The following CRHR1 variants were observed in gnomAD, a reference collection of about 807,000 sequenced individuals.
CRHR1 encodes corticotropin releasing hormone receptor 1, also known as corticotropin-releasing hormone receptor 1.
CRHR1 carries 28 observed loss-of-function variants against 56.0 expected under a neutral mutation model. That is an observed-to-expected ratio of 0.50 (90% CI 0.37 to 0.69). The LOEUF is 0.69. Among genes scored for constraint, CRHR1 ranks in the 30% least tolerant of loss-of-function variants. CRHR1 has a pLI of 0.00. For synonymous variants in CRHR1, 195 were observed against 216.5 expected (o/e 0.90, Z 0.87); for missense variants, 376 against 548.0 (o/e 0.69, Z 3.13).
chr17:45,798,946 C>A (rs2061570833), intron 1 of CRHR1, among the ~76,000 whole-genome samples: 1 of 152,210 alleles, frequency 6.6e-6, no homozygotes, highest in Admixed American at 6.5e-5. Context: ...AGTGCTCACC[C>A]ACTTTGAGGG....
At chr17:45,831,222 C>A (rs893836660) in intron 8 of CRHR1, among the ~76,000 whole-genome samples, 1 of 128,092 alleles carries the variant, frequency 7.8e-6, no homozygotes, top group Non-Finnish European at 1.9e-5. Context: ...AGCTGTGTGA[C>A]CTTGGACAGA....
chr17:45,829,797 G>T, intron 5 of CRHR1: 2 of 909,972 alleles, frequency 2.2e-6, no homozygotes, highest in South Asian at 3.0e-5. Flanking sequence ...GGAGTAGAAG[G>T]CACCCCCAGG....
At chr17:45,788,153 G>T (rs543051944) in intron 1 of CRHR1, among the ~76,000 whole-genome samples, 6 of 152,236 alleles carry the variant, frequency 3.9e-5, no homozygotes, top group African/African-American at 1.4e-4. Context: ...CCAAGTGCCC[G>T]TGTGGCCTAG....
At position 45,834,448 on chromosome 17, in the gene CRHR1, G is replaced by A. The variant is rs139601205; in HGVS notation, c.1108-176G>A. 7.0e-3 allele frequency among the ~76,000 whole-genome samples: 1,064 copies of A among 152,298 alleles called. 12 individuals are homozygous for A. Among genetic ancestry groups the A allele is most frequent in the African/African-American group, 0.024 (992 of 41,562 alleles). On this transcript the variant is annotated intron_variant, in intron 12 of 12. Coordinates refer to ENST00000314537, the MANE Select transcript of CRHR1 (RefSeq NM_004382.5). ...CCAGGACATTTGAGAAACCTGTTCC[G>A]ACAAATATGCAAAGCAGTCGTGTTA...
intron 2 of CRHR1, among the ~76,000 whole-genome samples, chr17:45,814,493 C>T (rs2061887515): frequency 6.6e-6 from 1 of 152,234 alleles, no homozygotes; most frequent in African/African-American, 2.4e-5. Context: ...TTCCCTGGGC[C>T]TCAATTTCTT....
At position 45,829,067 on chromosome 17, in the gene CRHR1, C is replaced by T. The variant is rs548168688; in HGVS notation, c.328-148C>T. ...CAAACTGGACGGCGTTGCTCTGCAGCGAGGCCTGACCCTCAGCAGATGCTC... is the reference window on the plus strand; with the variant it reads ...CAAACTGGACGGCGTTGCTCTGCAGTGAGGCCTGACCCTCAGCAGATGCTC... On this transcript the variant is annotated intron_variant, in intron 4 of 12. Coordinates refer to ENST00000314537, the MANE Select transcript of CRHR1 (RefSeq NM_004382.5). The T allele has an allele frequency of 4.5e-4, 289 of 644,460 alleles. 2 individuals carry two copies. The East Asian group carries it at 7.7e-3, about 17-fold the overall frequency. 39.9% of individuals were successfully genotyped at this position (644,460 alleles called of 1,614,324 possible).
Position 45,829,270 on chromosome 17 carries a change from G to A in CRHR1, c.383G>A (p.Cys128Tyr). The A allele has an allele frequency of 6.2e-7, 1 of 1,614,126 alleles. No individual in the cohort carries two copies. The highest frequency in any genetic ancestry group is 8.5e-7 in the Non-Finnish European group (1 of 1,180,032). The change falls in exon 5 of 13, where the codon TGT becomes TAT. Residue 128 changes from cysteine to tyrosine, a missense_variant. This residue lies in a region of CRHR1 where 369 missense variants were observed against 519.5 expected (regional missense o/e 0.71). Transcript: ENST00000314537. The stretch of plus-strand genomic sequence containing the variant: ...GTCATCATCAACTACCTGGGCCACT[G>A]TATCTCCCTGGTGGCCCTCCTGGTG... ...VAVIINYLGH[C>Y]ISLVALLVAF...
intron 3 of CRHR1, among the ~76,000 whole-genome samples, chr17:45,820,868 A>T (rs1014273879): frequency 6.6e-6 from 1 of 152,188 alleles, no homozygotes; most frequent in Admixed American, 6.5e-5. Flanking sequence ...CTCTACCACA[A>T]GAAGCCCTGT....
intron 2 of CRHR1, among the ~76,000 whole-genome samples, chr17:45,814,318 A>G (rs1339213715): frequency 1.3e-5 from 2 of 152,178 alleles, no homozygotes; most frequent in African/African-American, 2.4e-5. Flanking sequence ...AGCCCTCAAC[A>G]AACGCTGCTC....
intron 1 of CRHR1, among the ~76,000 whole-genome samples, chr17:45,795,602 T>A (rs2061503417): frequency 6.6e-6 from 1 of 152,282 alleles, no homozygotes; most frequent in South Asian, 2.1e-4. Context: ...CAGGTGAGAA[T>A]CTCTGAGCTG....
intron 4 of CRHR1, chr17:45,827,244 C>T (rs62057154): frequency 0.14 from 21,899 of 152,320 alleles, 2,144 homozygotes; most frequent in Non-Finnish European, 0.22. Flanking sequence ...CCCAAGGGCC[C>T]GGTACGGCCT....
intron 10 of CRHR1, 21 bp from the exon 11 acceptor site, chr17:45,833,693 T>TGGGGGCG: frequency 4.5e-6 from 7 of 1,571,616 alleles, no homozygotes; most frequent in Non-Finnish European, 6.1e-6. Context: ...ACTCCGAGCC[T>TGGGGGCG]CCCCACCCGC....
rs1200810740 is a variant in CRHR1, at chr17:45,834,334, C to T, written c.1107+286C>T. On this transcript the variant is annotated intron_variant, in intron 12 of 12. Coordinates refer to ENST00000314537, the MANE Select transcript of CRHR1 (RefSeq NM_004382.5). The stretch of plus-strand genomic sequence containing the variant: ...AAACCAGGAAGGGCTGAGCCCTGGG[C>T]AGGGGATACATGTGGGTTGAGGGCA... 2.0e-5 allele frequency among the ~76,000 whole-genome samples: 3 copies of T among 152,214 alleles called. No individual in the cohort carries two copies. The highest frequency in any genetic ancestry group is 4.4e-5 in the Non-Finnish European group (3 of 68,026).
intron 1 of CRHR1, among the ~76,000 whole-genome samples, chr17:45,799,051 G>GA (rs1308772980): frequency 1.3e-5 from 2 of 152,218 alleles, no homozygotes; most frequent in Admixed American, 1.3e-4. Flanking sequence ...GGGATGGGGA[G>GA]AAGCCTGGGC....
chr17:45,820,858 C>T (rs1457839691), intron 3 of CRHR1, among the ~76,000 whole-genome samples: 1 of 152,234 alleles, frequency 6.6e-6, no homozygotes, highest in African/African-American at 2.4e-5. Context: ...TGTGAGATGG[C>T]TCTACCACAA....
intron 9 of CRHR1, 57 bp from the exon 10 acceptor site, chr17:45,833,395 A>C: frequency 8.9e-6 from 14 of 1,577,832 alleles, no homozygotes; most frequent in Non-Finnish European, 1.2e-5. Flanking sequence ...CAGAGCTGAG[A>C]AGCCTGGGTC....
At chr17:45,800,542 C>A (rs552063496) in intron 1 of CRHR1, 2 of 152,386 alleles carry the variant, frequency 1.3e-5, no homozygotes, top group African/African-American at 2.4e-5. Context: ...ACAAATGGTC[C>A]ATCTCCCAGT....
At chr17:45,788,140 AC>A (rs1268092847) in intron 1 of CRHR1, among the ~76,000 whole-genome samples, 1 of 152,152 alleles carries the variant, frequency 6.6e-6, no homozygotes, top group East Asian at 1.9e-4. Flanking sequence ...AGGTGCCACC[AC>A]CCCAAGTGCC....
intron 1 of CRHR1, among the ~76,000 whole-genome samples, chr17:45,806,438 A>C (rs2061720601): frequency 6.6e-6 from 1 of 152,248 alleles, no homozygotes; most frequent in Admixed American, 6.5e-5. Flanking sequence ...CGGCAGATGT[A>C]CAAGAGCTTG....
Sources: allele counts gnomAD v4.1 joint callset (sites outside exome capture counted in the v4.1 genomes callset), GRCh38; gene constraint gnomAD v4.1.1; regional missense constraint gnomAD v4.1.1; transcripts MANE v1.5; gene names NCBI Gene and HGNC (gene_info 2026-07-23, HGNC 2026-07-21).